The following CACNA2D3 variants were observed in gnomAD, a reference collection of about 807,000 sequenced individuals.
The protein encoded by CACNA2D3 is voltage-dependent calcium channel subunit alpha-2/delta-3.
A neutral mutation model predicts 160.6 loss-of-function variants in CACNA2D3; 60 were observed. The ratio of observed to expected loss-of-function variants is 0.37; its 90% CI spans 0.30 to 0.46. The LOEUF is 0.46. CACNA2D3 is among the 20% of genes least tolerant of loss of function. The pLI is 1.00. For synonymous variants in CACNA2D3, 558 were observed against 492.9 expected (o/e 1.13, Z -1.75); for missense variants, 1,205 against 1,365.0 (o/e 0.88, Z 1.85).
intron 11 of CACNA2D3, among the ~76,000 whole-genome samples, chr3:54,648,758 C>T (rs1348395169): frequency 2.0e-5 from 3 of 152,202 alleles, no homozygotes; most frequent in African/African-American, 7.2e-5. Context: ...TTGAGGGCCT[C>T]ATGCTGTTTC....
chr3:54,494,846 G>GAGCA (rs1344242290), intron 4 of CACNA2D3, among the ~76,000 whole-genome samples: 2 of 152,056 alleles, frequency 1.3e-5, no homozygotes, highest in African/African-American at 2.4e-5. Flanking sequence ...GAGAGAGAGA[G>GAGCA]AGCAAGCATG....
At chr3:54,216,205 C>G (rs1278725889) in intron 2 of CACNA2D3, among the ~76,000 whole-genome samples, 2 of 152,200 alleles carry the variant, frequency 1.3e-5, no homozygotes, top group East Asian at 3.9e-4. Context: ...CTGACACCCA[C>G]TCTTTGCAGA....
chr3:54,496,009 A>AATCAATTAC (rs1480361927), intron 4 of CACNA2D3, among the ~76,000 whole-genome samples: 16 of 152,248 alleles, frequency 1.1e-4, no homozygotes, highest in South Asian at 4.1e-4. Flanking sequence ...GTTAAGTAGT[A>AATCAATTAC]ATCCATTACA....
At chr3:54,143,710 A>T (rs1699976304) in intron 2 of CACNA2D3, among the ~76,000 whole-genome samples, 1 of 152,140 alleles carries the variant, frequency 6.6e-6, no homozygotes, top group Admixed American at 6.5e-5. Flanking sequence ...TGTGTTAGAC[A>T]GGATGGTCTC....
chr3:54,645,811 T>A (rs1003036132), intron 11 of CACNA2D3, among the ~76,000 whole-genome samples: 2 of 152,168 alleles, frequency 1.3e-5, no homozygotes, highest in Admixed American at 1.3e-4. Flanking sequence ...TTTCTGGACC[T>A]GTCTTTCATC....
intron 9 of CACNA2D3, among the ~76,000 whole-genome samples, chr3:54,606,806 C>A (rs912049667): frequency 6.6e-6 from 1 of 152,096 alleles, no homozygotes; most frequent in African/African-American, 2.4e-5. Flanking sequence ...TTTTCACCCC[C>A]TCTCTAATCC....
At chr3:54,571,464 A>AT (rs1230734633) in intron 8 of CACNA2D3, among the ~76,000 whole-genome samples, 7 of 151,826 alleles carry the variant, frequency 4.6e-5, no homozygotes, top group Non-Finnish European at 8.8e-5. Context: ...TTAGAATTTT[A>AT]TTTTTGGTTT....
chr3:55,033,734 T>A (rs1703733793), intron 35 of CACNA2D3, among the ~76,000 whole-genome samples: 1 of 114,018 alleles, frequency 8.8e-6, no homozygotes, highest in Admixed American at 1.2e-4. Flanking sequence ...TAAATATATT[T>A]TATATAATAT....
chr3:54,890,196 A>T (rs1436146683), intron 24 of CACNA2D3, among the ~76,000 whole-genome samples: 1 of 152,196 alleles, frequency 6.6e-6, no homozygotes, highest in Admixed American at 6.5e-5. Context: ...TTATTGTAGG[A>T]TAAAATTATG....
chr3:54,392,965 C>T (rs1005558066), intron 4 of CACNA2D3, among the ~76,000 whole-genome samples: 1 of 152,166 alleles, frequency 6.6e-6, no homozygotes, highest in Non-Finnish European at 1.5e-5. Context: ...TGCTTGTCCC[C>T]CGCCACCCTG....
chr3:54,897,612 C>T (rs1472295470), intron 26 of CACNA2D3, among the ~76,000 whole-genome samples: 3 of 152,082 alleles, frequency 2.0e-5, no homozygotes, highest in Non-Finnish European at 4.4e-5. Context: ...ACTTGGGTTG[C>T]TCTGGAAAGT....
chr3:54,440,340 C>A lies in CACNA2D3; in HGVS notation c.381+53566C>A, dbSNP rs142159219. ...AAACCCACCCTCTGGAGGAAGCCCA[C>A]CCTAACCATGTTCTTTTCTATCTTC... On this transcript the variant is annotated intron_variant, in intron 4 of 37. Transcript: ENST00000474759. 1.5e-3 allele frequency among the ~76,000 whole-genome samples: 224 copies of A among 152,268 alleles called. 1 individual carries two copies. The highest frequency in any genetic ancestry group is 4.2e-3 in the Admixed American group (64 of 15,288).
At chr3:54,820,211 A>G (rs1232562594) in intron 14 of CACNA2D3, among the ~76,000 whole-genome samples, 5 of 152,144 alleles carry the variant, frequency 3.3e-5, no homozygotes, top group Admixed American at 1.3e-4. Context: ...ATCATCTGCA[A>G]CTATTTTCTC....
At chr3:54,368,770 C>T (rs534763450) in intron 3 of CACNA2D3, among the ~76,000 whole-genome samples, 13 of 129,910 alleles carry the variant, frequency 1.0e-4, no homozygotes, top group African/African-American at 3.6e-4. Flanking sequence ...GGCACGATCT[C>T]GGCTCACTGC....
intron 34 of CACNA2D3, among the ~76,000 whole-genome samples, chr3:55,016,181 T>C (rs1340293181): frequency 6.6e-6 from 1 of 152,134 alleles, no homozygotes; most frequent in Non-Finnish European, 1.5e-5. Context: ...ACAATCAGTG[T>C]AGTCAGGAGT....
At chr3:54,831,563 A>T (rs763325003) in intron 14 of CACNA2D3, among the ~76,000 whole-genome samples, 5 of 152,220 alleles carry the variant, frequency 3.3e-5, no homozygotes, top group Non-Finnish European at 7.3e-5. Context: ...GCTTGACATA[A>T]AATTCTAGTG....
chr3:54,339,290 T>G (rs1239755982), intron 3 of CACNA2D3, among the ~76,000 whole-genome samples: 1 of 152,206 alleles, frequency 6.6e-6, no homozygotes, highest in Non-Finnish European at 1.5e-5. Flanking sequence ...TGGTCTCTCC[T>G]TGATATTCAG....
intron 2 of CACNA2D3, among the ~76,000 whole-genome samples, chr3:54,262,161 A>AG (rs1702412673): frequency 6.6e-6 from 1 of 152,188 alleles, no homozygotes; most frequent in Admixed American, 6.5e-5. Flanking sequence ...ATCTATAGCA[A>AG]GGATGGGTAG....
intron 18 of CACNA2D3, among the ~76,000 whole-genome samples, chr3:54,876,699 A>G (rs1322861222): frequency 1.3e-5 from 2 of 152,234 alleles, no homozygotes; most frequent in Non-Finnish European, 2.9e-5. Flanking sequence ...ATCTGTGCCT[A>G]TTTCTCCACC....
Sources: gnomAD v4.1 joint callset for allele counts (sites outside exome capture counted in the v4.1 genomes callset) on GRCh38, gnomAD v4.1.1 for gene constraint, MANE v1.5 for transcripts, NCBI Gene and HGNC (gene_info 2026-07-23, HGNC 2026-07-21) for gene names.